The following DLG2 variants were observed in gnomAD, a reference collection of about 807,000 sequenced individuals.
The protein encoded by DLG2 is discs large MAGUK scaffold protein 2.
A neutral mutation model predicts 132.5 loss-of-function variants in DLG2; 45 were observed. That is an observed-to-expected ratio of 0.34 (90% CI 0.27 to 0.44). The LOEUF (loss-of-function observed/expected upper bound fraction) is 0.44. Ranked by LOEUF, DLG2 falls within the 20% of genes least tolerant of loss-of-function variation. DLG2 has a pLI of 1.00. For missense variants in DLG2, 1,045 were observed against 1,196.9 expected (o/e 0.87, Z 1.87); for synonymous variants, 424 against 419.6 (o/e 1.01, Z -0.13).
chr11:84,877,757 A>G (rs2154051331), intron 6 of DLG2, among the ~76,000 whole-genome samples: 1 of 152,154 alleles, frequency 6.6e-6, no homozygotes, highest in African/African-American at 2.4e-5. Context: ...AGCAAAAGAA[A>G]CTGTCATCAG....
At chr11:85,122,242 G>A (rs754781714) in intron 5 of DLG2, among the ~76,000 whole-genome samples, 9 of 152,160 alleles carry the variant, frequency 5.9e-5, no homozygotes, top group South Asian at 2.1e-4. Flanking sequence ...GACAATGTGC[G>A]GAGAACATGG....
intron 4 of DLG2, among the ~76,000 whole-genome samples, chr11:85,164,530 T>C (rs1473539455): frequency 6.6e-6 from 1 of 152,184 alleles, no homozygotes; most frequent in African/African-American, 2.4e-5. Context: ...CTCATAGAAA[T>C]AGTAAATTTC....
At chr11:85,531,156 T>G (rs2075179808) in intron 3 of DLG2, among the ~76,000 whole-genome samples, 1 of 152,250 alleles carries the variant, frequency 6.6e-6, no homozygotes, top group African/African-American at 2.4e-5. Context: ...TATTTTTAAA[T>G]GCCAAGAGTA....
chr11:85,104,122 T>C (rs1440029017), intron 6 of DLG2, among the ~76,000 whole-genome samples: 1 of 151,858 alleles, frequency 6.6e-6, no homozygotes, highest in Admixed American at 6.6e-5. Context: ...GAATGTAAAA[T>C]GGTGCAAATG....
intron 4 of DLG2, among the ~76,000 whole-genome samples, chr11:85,173,741 A>C (rs2079032646): frequency 6.6e-6 from 1 of 152,158 alleles, no homozygotes; most frequent in East Asian, 1.9e-4. Context: ...CTCATGTGTA[A>C]AGACACACAT....
At chr11:85,533,536 T>G (rs2153194610) in intron 3 of DLG2, among the ~76,000 whole-genome samples, 1 of 151,804 alleles carries the variant, frequency 6.6e-6, no homozygotes, top group East Asian at 1.9e-4. Flanking sequence ...TTTCTTTATC[T>G]AAATCCATCA....
intron 3 of DLG2, among the ~76,000 whole-genome samples, chr11:85,504,240 G>C (rs531518790): frequency 2.0e-5 from 3 of 152,054 alleles, no homozygotes; most frequent in African/African-American, 7.2e-5. Context: ...GTCAATTTTG[G>C]CTTTTGTTGC....
At chr11:85,217,283 G>A (rs896063678) in intron 4 of DLG2, among the ~76,000 whole-genome samples, 19 of 147,906 alleles carry the variant, frequency 1.3e-4, no homozygotes, top group South Asian at 6.5e-4. Context: ...TGGATATACC[G>A]CAGATCCCAC....
intron 18 of DLG2, among the ~76,000 whole-genome samples, chr11:83,772,857 C>T (rs1274770071): frequency 6.6e-6 from 1 of 152,120 alleles, no homozygotes; most frequent in Non-Finnish European, 1.5e-5. Context: ...ATAAGTTTCT[C>T]ATTAATTTAA....
At chr11:84,551,568 A>G (rs551019500) in intron 6 of DLG2, among the ~76,000 whole-genome samples, 5 of 152,332 alleles carry the variant, frequency 3.3e-5, no homozygotes, top group African/African-American at 1.2e-4. Flanking sequence ...TTACTGTTTT[A>G]TTTCCCTCAT....
intron 6 of DLG2, among the ~76,000 whole-genome samples, chr11:84,967,424 C>T (rs3911270): frequency 0.45 from 68,302 of 151,820 alleles, 16,969 homozygotes; most frequent in African/African-American, 0.66. Context: ...TGAATGCAAG[C>T]TGTTCTTTGG....
chr11:83,883,072 T>C (rs1021069916), intron 15 of DLG2, among the ~76,000 whole-genome samples: 3 of 152,340 alleles, frequency 2.0e-5, no homozygotes, highest in Non-Finnish European at 2.9e-5. Context: ...ATGCTTGATT[T>C]CTTAATTGCC....
chr11:83,677,689 AAAAC>A (rs2077994259), intron 18 of DLG2, among the ~76,000 whole-genome samples: 4 of 152,228 alleles, frequency 2.6e-5, no homozygotes, highest in Admixed American at 2.6e-4. Flanking sequence ...TTAAAAAACA[AAAAC>A]AAAATCCCCC....
Position 83,521,265 on chromosome 11 carries a change from G to A in DLG2, c.2193+11443C>T, listed in dbSNP as rs2095473635. On this transcript the variant is annotated intron_variant, in intron 21 of 27. Coordinates refer to ENST00000376104, the MANE Select transcript of DLG2 (RefSeq NM_001142699.3). ...TACAAAAGTGCTTTGCAAATACAAG[G>A]ACTTATTTTCCAGTATCCACAAAGA... Among the ~76,000 whole-genome samples the A allele has an allele frequency of 2.6e-5, 4 of 152,108 alleles. No homozygotes were observed. The South Asian group carries it at 6.2e-4, about 24-fold the overall frequency.
intron 3 of DLG2, chr11:85,336,707 A>G (rs2082157427): frequency 6.6e-6 from 1 of 152,530 alleles, no homozygotes; most frequent in Non-Finnish European, 1.5e-5. Context: ...CCACAGGTGC[A>G]AGTTAGAGCT....
chr11:85,120,795 T>C (rs2074216235), intron 5 of DLG2, among the ~76,000 whole-genome samples: 1 of 152,098 alleles, frequency 6.6e-6, no homozygotes, highest in Admixed American at 6.6e-5. Flanking sequence ...GGATATTCTT[T>C]TTTGAAACAT....
intron 19 of DLG2, among the ~76,000 whole-genome samples, chr11:83,585,803 G>A (rs561890): frequency 0.71 from 108,553 of 152,100 alleles, 39,432 homozygotes; most frequent in African/African-American, 0.86. Flanking sequence ...GCACACTGGA[G>A]GAAACAGAAA....
intron 7 of DLG2, among the ~76,000 whole-genome samples, chr11:84,471,240 T>C (rs528255435): frequency 6.6e-6 from 1 of 151,810 alleles, no homozygotes; most frequent in African/African-American, 2.4e-5. Flanking sequence ...TGCTACCTAG[T>C]GAGTTCTCTG....
At chr11:83,878,547 C>CT (rs2065339256) in intron 15 of DLG2, among the ~76,000 whole-genome samples, 1 of 152,112 alleles carries the variant, frequency 6.6e-6, no homozygotes. Context: ...CTGACAAATT[C>CT]TTTTTTTCTT....
Sources: gnomAD v4.1 joint callset for allele counts (sites outside exome capture counted in the v4.1 genomes callset) on GRCh38, gnomAD v4.1.1 for gene constraint, MANE v1.5 for transcripts, NCBI Gene and HGNC (gene_info 2026-07-23, HGNC 2026-07-21) for gene names.